Variants in THSD7A observed in about 807,000 individuals in gnomAD.
The protein encoded by THSD7A is thrombospondin type-1 domain-containing protein 7A.
Under a neutral mutation model 231.3 loss-of-function variants are expected in THSD7A, and 96 were observed. That is an observed-to-expected ratio of 0.41 (90% confidence interval 0.35 to 0.49). The LOEUF is 0.49. Among genes scored for constraint, THSD7A ranks in the 20% least tolerant of loss-of-function variants. The probability of loss-of-function intolerance (pLI) is 0.05; values close to 1 mark genes in which losing one functional copy is unlikely to be tolerated. For missense variants in THSD7A, 2,290 were observed against 2,070.2 expected (o/e 1.11, Z -2.06); for synonymous variants, 940 against 743.3 (o/e 1.26, Z -4.30).
At chr7:11,759,183 C>T (rs562627739) in intron 1 of THSD7A, among the ~76,000 whole-genome samples, 3 of 151,952 alleles carry the variant, frequency 2.0e-5, no homozygotes, top group Non-Finnish European at 4.4e-5. Flanking sequence ...ACAGTTGAAG[C>T]GGGCAAAAAC....
intron 13 of THSD7A, among the ~76,000 whole-genome samples, chr7:11,438,558 T>C (rs1562609365): frequency 6.6e-6 from 1 of 151,920 alleles, no homozygotes; most frequent in African/African-American, 2.4e-5. Context: ...AGAGAAAACA[T>C]GGAAAAGTCA....
At position 11,426,674 on chromosome 7, in the gene THSD7A, G is replaced by A; in HGVS notation, c.3244-3C>T. Reference sequence around the variant, plus strand: ...GGTTTAAGAGTTCTTACCTGTGCCTGGAGTGGTGTTCAACAGGAATGATGA... The same window carrying A: ...GGTTTAAGAGTTCTTACCTGTGCCTAGAGTGGTGTTCAACAGGAATGATGA... On this transcript the variant is annotated splice_polypyrimidine_tract_variant and splice_region_variant and intron_variant, in intron 14 of 27. Transcript: ENST00000423059. 1 of 1,561,852 alleles carries A rather than the reference G, an allele frequency of 6.4e-7. No homozygotes were observed. Among genetic ancestry groups the A allele is most frequent in the Non-Finnish European group, 8.6e-7 (1 of 1,160,162 alleles).
At chr7:11,677,049 T>A (rs1240943401) in intron 1 of THSD7A, among the ~76,000 whole-genome samples, 4 of 152,134 alleles carry the variant, frequency 2.6e-5, no homozygotes, top group African/African-American at 9.7e-5. Context: ...AGGAAGCCCA[T>A]CAGACTAACA....
chr7:11,577,561 C>G (rs1790969248), intron 4 of THSD7A, among the ~76,000 whole-genome samples: 1 of 151,638 alleles, frequency 6.6e-6, no homozygotes, highest in African/African-American at 2.4e-5. Flanking sequence ...AAGTGATCTG[C>G]CCGCCTCAGC....
chr7:11,815,311 T>C (rs1334906435), intron 1 of THSD7A, among the ~76,000 whole-genome samples: 1 of 151,692 alleles, frequency 6.6e-6, no homozygotes, highest in Non-Finnish European at 1.5e-5. Flanking sequence ...TGCAGCAGGG[T>C]AAGGGAGTGG....
chr7:11,708,809 T>A (rs1780853904), intron 1 of THSD7A, among the ~76,000 whole-genome samples: 1 of 150,834 alleles, frequency 6.6e-6, no homozygotes, highest in African/African-American at 2.4e-5. Flanking sequence ...AAATAGTTAT[T>A]ATAGACCAAT....
chr7:11,372,161 A>T lies in THSD7A; in HGVS notation c.*3633T>A, dbSNP rs1168816065. The T allele has an allele frequency of 6.6e-6, 1 of 152,054 alleles. No individual in the cohort carries two copies. Among genetic ancestry groups the T allele is most frequent in the African/African-American group, 2.4e-5 (1 of 41,392 alleles). 9.4% of individuals were successfully genotyped at this position (152,054 alleles called of 1,614,324 possible). A position where few individuals can be genotyped will look rare whatever the true frequency, so the allele number is the denominator to read the frequency against. On this transcript the variant is annotated 3_prime_UTR_variant, in exon 28 of 28. Coordinates refer to ENST00000423059, the MANE Select transcript of THSD7A (RefSeq NM_015204.3). ...CTGAGGGTGGGGCAGGGAAAAATCA[A>T]ACTCCTAATACTGTGGCCTAAAGAC... is the stretch of plus-strand genomic sequence containing the variant.
chr7:11,544,298 T>C (rs1789282132), intron 4 of THSD7A, among the ~76,000 whole-genome samples: 1 of 152,024 alleles, frequency 6.6e-6, no homozygotes, highest in Non-Finnish European at 1.5e-5. Flanking sequence ...GCTGAAATCA[T>C]GCCACTGCAC....
intron 1 of THSD7A, among the ~76,000 whole-genome samples, chr7:11,697,125 C>A (rs1780428604): frequency 6.6e-6 from 1 of 151,472 alleles, no homozygotes; most frequent in African/African-American, 2.4e-5. Flanking sequence ...ATATGAGCTC[C>A]AAGTAAATAT....
intron 1 of THSD7A, among the ~76,000 whole-genome samples, chr7:11,689,083 G>GAA (rs1176669057): frequency 1.3e-5 from 2 of 151,726 alleles, no homozygotes; most frequent in African/African-American, 4.8e-5. Flanking sequence ...GTACAATATA[G>GAA]AAAAAATATT....
chr7:11,571,466 G>A (rs150025613), intron 4 of THSD7A, among the ~76,000 whole-genome samples: 1 of 152,172 alleles, frequency 6.6e-6, no homozygotes, highest in East Asian at 1.9e-4. Context: ...AGCTTAGTAT[G>A]TGCCTGGCCT....
Position 11,411,406 on chromosome 7 carries a change from T to TTTAA in THSD7A, c.3683-88_3683-85dup. The TTTAA allele has an allele frequency of 2.2e-6, 2 of 899,488 alleles. No individual in the cohort carries two copies. Among genetic ancestry groups the TTTAA allele is most frequent in the Non-Finnish European group, 3.5e-6 (2 of 573,964 alleles). The allele number at this position is 899,488 out of a possible 1,614,324, so 55.7% of individuals were successfully genotyped here. A position where few individuals can be genotyped will look rare whatever the true frequency, so the allele number is the denominator to read the frequency against. The stretch of plus-strand genomic sequence containing the variant: ...AAACTCTGATGACCTGAATCCCATA[T>TTTAA]TTAATTCACAACTGCTTCCTAAGCC... On this transcript the variant is annotated intron_variant, in intron 18 of 27. Coordinates refer to ENST00000423059, the MANE Select transcript of THSD7A (RefSeq NM_015204.3). This position sits in a 1 kb window ranked among gnomAD's most constrained non-coding sequence, Gnocchi z 4.1.
rs1418048698 is a variant in THSD7A, at chr7:11,446,937, A to T, written c.2800+293T>A. On this transcript the variant is annotated intron_variant, in intron 12 of 27. Coordinates refer to ENST00000423059, the MANE Select transcript of THSD7A (RefSeq NM_015204.3). The surrounding 1 kb of genome is among the most constrained non-coding windows in gnomAD (Gnocchi z 4.0). Reference sequence around the variant, plus strand: ...CAACTTTTTCTCTTGTTCCCCAAAAACTTTGCTCCAAGCACTTTACAGTCT... The same window carrying T: ...CAACTTTTTCTCTTGTTCCCCAAAATCTTTGCTCCAAGCACTTTACAGTCT... 6.6e-6 allele frequency among the ~76,000 whole-genome samples: 1 copy of T among 152,094 alleles called. No homozygotes were observed. The highest frequency in any genetic ancestry group is 1.9e-4 in the East Asian group (1 of 5,184).
At chr7:11,445,173 C>T (rs1784927708) in intron 13 of THSD7A, among the ~76,000 whole-genome samples, 1 of 151,934 alleles carries the variant, frequency 6.6e-6, no homozygotes. Context: ...ATGCTTCTAG[C>T]AATTTAACTC....
chr7:11,722,947 T>C (rs1391833745), intron 1 of THSD7A, among the ~76,000 whole-genome samples: 1 of 151,886 alleles, frequency 6.6e-6, no homozygotes, highest in Non-Finnish European at 1.5e-5. Flanking sequence ...GAACTAGAAA[T>C]ACCATTTGAC....
At chr7:11,724,563 C>T (rs1781479824) in intron 1 of THSD7A, among the ~76,000 whole-genome samples, 1 of 151,714 alleles carries the variant, frequency 6.6e-6, no homozygotes, top group Non-Finnish European at 1.5e-5. Context: ...ACACATACCC[C>T]CACACCTACA....
At chr7:11,763,988 A>C (rs1583269985) in intron 1 of THSD7A, among the ~76,000 whole-genome samples, 1 of 152,336 alleles carries the variant, frequency 6.6e-6, no homozygotes, top group Non-Finnish European at 1.5e-5. Context: ...TTGATCAGCT[A>C]TCCATTATAT....
chr7:11,424,598 C>T, intron 16 of THSD7A, 98 bp downstream of exon 16: 1 of 1,518,726 alleles, frequency 6.6e-7, no homozygotes, highest in Non-Finnish European at 8.9e-7. Context: ...ACAATTTTAT[C>T]CAGAAGACTG....
At position 11,636,978 on chromosome 7, in the gene THSD7A, A is replaced by C; in HGVS notation, c.191-17T>G. The C allele has an allele frequency of 1.9e-6, 3 of 1,586,958 alleles. No individual in the cohort carries two copies. The highest frequency in any genetic ancestry group is 2.6e-6 in the Non-Finnish European group (3 of 1,169,670). The stretch of plus-strand genomic sequence containing the variant: ...CCCATGGACCTACAAAAATTATAAC[A>C]CAAAAATTAGCAGTGCTACTAGAAG... On this transcript the variant is annotated splice_polypyrimidine_tract_variant and intron_variant, in intron 1 of 27. Coordinates refer to ENST00000423059, the MANE Select transcript of THSD7A (RefSeq NM_015204.3). This position sits in a 1 kb window ranked among gnomAD's most constrained non-coding sequence, Gnocchi z 10.0.
Sources: gnomAD v4.1 joint callset for allele counts (sites outside exome capture counted in the v4.1 genomes callset) on GRCh38, gnomAD v4.1.1 for gene constraint, Gnocchi (gnomAD v3.1) non-coding constraint, MANE v1.5 for transcripts, NCBI Gene and HGNC (gene_info 2026-07-23, HGNC 2026-07-21) for gene names.